The following MAX variants were observed in gnomAD, a reference collection of about 807,000 sequenced individuals.
MAX encodes protein max.
Under a neutral mutation model 22.3 loss-of-function variants are expected in MAX, and 3 were observed. That is an observed-to-expected ratio of 0.13 (90% CI 0.06 to 0.35). MAX has a LOEUF of 0.35. Ranked by LOEUF, MAX falls within the 10% of genes least tolerant of loss-of-function variation. The pLI is 1.00. For missense variants in MAX, 119 were observed against 209.4 expected (o/e 0.57, Z 2.66); for synonymous variants, 72 against 77.7 (o/e 0.93, Z 0.39).
rs2063070579 is a variant in MAX, at chr14:65,076,820, C to T, written c.296-157G>A. On this transcript the variant is annotated intron_variant, in intron 4 of 4. Coordinates refer to ENST00000358664, the MANE Select transcript of MAX (RefSeq NM_002382.5). The surrounding 1 kb of genome is among the most constrained non-coding windows in gnomAD (Gnocchi z 6.6). ...GTAGCTCCCTTCGGGTGGCTGTTCA[C>T]TCACACACTTCATTTCCCTCCCGCC... 1.3e-6 allele frequency: 1 copy of T among 780,220 alleles called. No homozygotes were observed. Among genetic ancestry groups the T allele is most frequent in the African/African-American group, 1.7e-5 (1 of 58,542 alleles). The allele number at this position is 780,220 out of a possible 1,614,324, so 48.3% of individuals were successfully genotyped here.
intron 3 of MAX, chr14:65,006,413 A>G (rs1397802886): frequency 7.1e-7 from 1 of 1,401,236 alleles, no homozygotes; most frequent in Non-Finnish European, 9.6e-7. Flanking sequence ...GTCATGAGAT[A>G]CAGCTAGAGA....
At chr14:65,057,812 A>G (rs566882780) in intron 3 of MAX, among the ~76,000 whole-genome samples, 2 of 152,292 alleles carry the variant, frequency 1.3e-5, no homozygotes, top group South Asian at 4.1e-4. Flanking sequence ...GAAGTCTACA[A>G]CCTTTCCTGC....
At chr14:65,067,629 T>G (rs955948084) in intron 3 of MAX, among the ~76,000 whole-genome samples, 3 of 151,852 alleles carry the variant, frequency 2.0e-5, no homozygotes, top group Admixed American at 1.3e-4. Context: ...GTTTATGTTT[T>G]TTTTTTTTTT....
chr14:65,026,723 G>GT (rs1487448580), intron 3 of MAX, among the ~76,000 whole-genome samples: 1 of 152,062 alleles, frequency 6.6e-6, no homozygotes, highest in Non-Finnish European at 1.5e-5. Flanking sequence ...TTGGCTGGGC[G>GT]TGATGGTGCA....
rs1425780825 is a variant in MAX at position 65,065,352 on chromosome 14, A to G, written c.171+28356T>C. Among the ~76,000 whole-genome samples, 5 of 152,270 alleles carry G rather than the reference A, an allele frequency of 3.3e-5. No individual in the cohort carries two copies. In the East Asian group the frequency reaches 9.7e-4, roughly 29 times the overall value. On this transcript the variant is annotated intron_variant, in intron 3 of 3. Transcript: ENST00000341653. ...GACAATGTGAGTTGGACTTACTATTACCTGCAACTGAAAGCAACCTAATAC... is the reference window on the plus strand; with the variant it reads ...GACAATGTGAGTTGGACTTACTATTGCCTGCAACTGAAAGCAACCTAATAC...
At chr14:65,017,917 T>G (rs1302105602) in intron 3 of MAX, among the ~76,000 whole-genome samples, 1 of 152,116 alleles carries the variant, frequency 6.6e-6, no homozygotes, top group Non-Finnish European at 1.5e-5. Flanking sequence ...ATTGCGCCTT[T>G]GCACTCCAGT....
At position 65,032,953 on chromosome 14, in the gene MAX, T is replaced by A. The variant is rs2062114545; in HGVS notation, c.172-26669A>T. 6.6e-6 allele frequency among the ~76,000 whole-genome samples: 1 copy of A among 152,224 alleles called. No individual in the cohort carries two copies. Among genetic ancestry groups the A allele is most frequent in the Admixed American group, 6.5e-5 (1 of 15,284 alleles). ...AATATTAGTGAGAGCCTGAATTGAT[T>A]TAACCAGTTTTTAGAGCAATTTGAC... On this transcript the variant is annotated intron_variant, in intron 3 of 3. Coordinates refer to the MAX transcript ENST00000341653. This position sits in a 1 kb window ranked among gnomAD's most constrained non-coding sequence, Gnocchi z 5.0.
intron 1 of MAX, among the ~76,000 whole-genome samples, chr14:65,102,006 C>T (rs1045159810): frequency 2.6e-5 from 4 of 152,188 alleles, no homozygotes; most frequent in Non-Finnish European, 5.9e-5. Context: ...CCATCCTTGT[C>T]CCCCGGATCC....
At chr14:65,056,465 C>T (rs1436440243) in intron 3 of MAX, among the ~76,000 whole-genome samples, 1 of 152,142 alleles carries the variant, frequency 6.6e-6, no homozygotes, top group Non-Finnish European at 1.5e-5. Context: ...TGTAACTGCT[C>T]CCCAGTGTGG....
At chr14:65,040,675 G>C in intron 3 of MAX, 3 of 927,804 alleles carry the variant, frequency 3.2e-6, no homozygotes, top group Non-Finnish European at 4.1e-6. Flanking sequence ...ATTCATAGTT[G>C]TGATGGTTCA....
At chr14:65,102,671 A>G (rs2063886223), upstream of MAX, 2 of 810,160 alleles carry the variant, frequency 2.5e-6, no homozygotes, top group East Asian at 1.1e-4. Context: ...AAGAAACCGC[A>G]TCCAGGCGAC....
At position 65,047,978 on chromosome 14, in the gene MAX, A is replaced by ATTTTTTTTTTTTTTTTTTTTTTTTTT. The variant is rs34879850; in HGVS notation, c.172-41720_172-41695dup. Among the ~76,000 whole-genome samples the ATTTTTTTTTTTTTTTTTTTTTTTTTT allele has an allele frequency of 1.6e-5, 1 of 64,128 alleles. No individual in the cohort carries two copies. Among genetic ancestry groups the ATTTTTTTTTTTTTTTTTTTTTTTTTT allele is most frequent in the Non-Finnish European group, 2.7e-5 (1 of 36,398 alleles). The allele number at this position is 64,128 out of a possible 152,430, so 42.1% of individuals were successfully genotyped here. A position where few individuals can be genotyped will look rare whatever the true frequency, so the allele number is the denominator to read the frequency against. The stretch of plus-strand genomic sequence containing the variant: ...AGACAGAAGGAGGGAGACTTTTTAG[A>ATTTTTTTTTTTTTTTTTTTTTTTTTT]TTTTTTTTTTTTTTTTTTTTTTTTT... On this transcript the variant is annotated intron_variant, in intron 3 of 3. Transcript: ENST00000341653. This position sits in a 1 kb window ranked among gnomAD's most constrained non-coding sequence, Gnocchi z 5.2.
Position 65,064,291 on chromosome 14 carries a change from A to G in MAX, c.171+29417T>C, listed in dbSNP as rs1566588340. ...GCTTGGTGGCATTTACTGCCTTTGA[A>G]TAGGAAGGAAAGTATAATATGATTT... On this transcript the variant is annotated intron_variant, in intron 3 of 3. Transcript: ENST00000341653. Among the ~76,000 whole-genome samples, 3 of 152,296 alleles carry G rather than the reference A, an allele frequency of 2.0e-5. No homozygotes were observed. In the South Asian group the frequency reaches 6.2e-4, roughly 32 times the overall value.
At chr14:65,098,807 T>A (rs2063742385) in intron 2 of MAX, among the ~76,000 whole-genome samples, 1 of 152,176 alleles carries the variant, frequency 6.6e-6, no homozygotes, top group Non-Finnish European at 1.5e-5. Context: ...TAGAAAAAAA[T>A]ATTTGCCAAA....
chr14:65,044,561 T>C lies in MAX; in HGVS notation c.172-38277A>G. On this transcript the variant is annotated intron_variant, in intron 3 of 3. Coordinates refer to the MAX transcript ENST00000341653. The surrounding 1 kb of genome is among the most constrained non-coding windows in gnomAD (Gnocchi z 5.5). ...AAATGAGCTCTGTCTATCCTGGATT[T>C]TGAGTGCCCAGTGTGGAACCTCATG... is the stretch of plus-strand genomic sequence containing the variant. 6.9e-7 allele frequency: 1 copy of C among 1,446,210 alleles called. No individual in the cohort carries two copies. Among genetic ancestry groups the C allele is most frequent in the Non-Finnish European group, 9.2e-7 (1 of 1,092,780 alleles). The allele number at this position is 1,446,210 out of a possible 1,614,324, so 89.6% of individuals were successfully genotyped here. A position where few individuals can be genotyped will look rare whatever the true frequency, so the allele number is the denominator to read the frequency against.
chr14:65,097,086 T>C (rs1309794750), intron 2 of MAX, among the ~76,000 whole-genome samples: 1 of 152,232 alleles, frequency 6.6e-6, no homozygotes, highest in Non-Finnish European at 1.5e-5. Context: ...CTTTGACATC[T>C]CTGCCAAAGT....
At chr14:65,010,893 C>T (rs547562488) in intron 3 of MAX, among the ~76,000 whole-genome samples, 10 of 152,278 alleles carry the variant, frequency 6.6e-5, no homozygotes, top group African/African-American at 2.4e-4. Context: ...AGCCATTAGC[C>T]ACCTGCAGCT....
chr14:65,027,331 A>G lies in MAX; in HGVS notation c.172-21047T>C. ...GGTTATATTCAACAAGTGGGAGGAG[A>G]GGTTCCCCTCAACTTTTGAGGGAGT... On this transcript the variant is annotated intron_variant, in intron 3 of 3. Transcript: ENST00000341653. This position sits in a 1 kb window ranked among gnomAD's most constrained non-coding sequence, Gnocchi z 5.7. The G allele has an allele frequency of 6.9e-7, 1 of 1,458,556 alleles. No individual in the cohort carries two copies. The highest frequency in any genetic ancestry group is 9.3e-7 in the Non-Finnish European group (1 of 1,076,212). The allele number at this position is 1,458,556 out of a possible 1,614,324, so 90.4% of individuals were successfully genotyped here. A position where few individuals can be genotyped will look rare whatever the true frequency, so the allele number is the denominator to read the frequency against.
At chr14:65,053,635 C>CAAAAA (rs1189039450) in intron 3 of MAX, among the ~76,000 whole-genome samples, 1 of 146,974 alleles carries the variant, frequency 6.8e-6, no homozygotes, top group African/African-American at 2.6e-5. Flanking sequence ...TTAAAAAAAA[C>CAAAAA]AAAAAAAAAC....
Sources: gnomAD v4.1 joint callset for allele counts (sites outside exome capture counted in the v4.1 genomes callset) on GRCh38, gnomAD v4.1.1 for gene constraint, Gnocchi (gnomAD v3.1) non-coding constraint, MANE v1.5 for transcripts, NCBI Gene and HGNC (gene_info 2026-07-23, HGNC 2026-07-21) for gene names.